Variants in EDIL3 observed in about 807,000 individuals in gnomAD.
EDIL3 encodes the protein EGF-like repeat and discoidin I-like domain-containing protein 3.
A neutral mutation model predicts 67.4 loss-of-function variants in EDIL3; 37 were observed. That is an observed-to-expected ratio of 0.55 (90% CI 0.42 to 0.72). EDIL3 has a LOEUF of 0.72. Among genes scored for constraint, EDIL3 ranks in the 30% least tolerant of loss-of-function variants. The pLI is 0.00. For synonymous variants in EDIL3, 195 were observed against 196.3 expected, an observed-to-expected ratio of 0.99 and a Z score of 0.05; for missense variants, 527 against 586.3, an observed-to-expected ratio of 0.90 and a Z score of 1.04.
chr5:84,381,852 A>C (rs563833456), intron 1 of EDIL3, among the ~76,000 whole-genome samples: 1 of 152,380 alleles, frequency 6.6e-6, no homozygotes, highest in South Asian at 2.1e-4. Context: ...TTTTAAAATA[A>C]AGACGACTAA....
At chr5:84,052,504 A>C (rs1650833919) in intron 9 of EDIL3, among the ~76,000 whole-genome samples, 2 of 152,142 alleles carry the variant, frequency 1.3e-5, no homozygotes, top group Admixed American at 1.3e-4. Context: ...ATTAAAAGAC[A>C]CAGACTGGCA....
At chr5:84,367,465 C>T (rs917016205) in intron 1 of EDIL3, among the ~76,000 whole-genome samples, 3 of 152,088 alleles carry the variant, frequency 2.0e-5, no homozygotes, top group African/African-American at 7.2e-5. Flanking sequence ...AGCAATGAGA[C>T]TGAATCTCAG....
At chr5:83,973,786 C>T (rs1744830254) in intron 9 of EDIL3, among the ~76,000 whole-genome samples, 1 of 151,844 alleles carries the variant, frequency 6.6e-6, no homozygotes, top group African/African-American at 2.4e-5. Flanking sequence ...TGGCAAATAC[C>T]ATAAGAACTG....
chr5:84,109,715 A>G (rs1463196720), intron 5 of EDIL3, among the ~76,000 whole-genome samples: 1 of 152,064 alleles, frequency 6.6e-6, no homozygotes, highest in African/African-American at 2.4e-5. Context: ...AATACCCCCC[A>G]AAAACCAATT....
intron 9 of EDIL3, among the ~76,000 whole-genome samples, chr5:84,010,207 T>A (rs1336601447): frequency 1.3e-5 from 2 of 152,234 alleles, no homozygotes; most frequent in South Asian, 4.1e-4. Context: ...CGTTTCTTCA[T>A]CTTTCTTATT....
chr5:84,118,394 G>A (rs1185107631), intron 5 of EDIL3, among the ~76,000 whole-genome samples: 2 of 152,058 alleles, frequency 1.3e-5, no homozygotes, highest in African/African-American at 4.8e-5. Flanking sequence ...ATTTATAGGT[G>A]CACAACTTCA....
At chr5:84,270,006 A>G (rs1373254449) in intron 1 of EDIL3, among the ~76,000 whole-genome samples, 2 of 152,180 alleles carry the variant, frequency 1.3e-5, no homozygotes, top group African/African-American at 4.8e-5. Context: ...ATCTCTCTCT[A>G]AAGTTGGAGT....
Position 84,253,128 on chromosome 5 carries a change from T to A in EDIL3, c.196+956A>T, listed in dbSNP as rs143422786. On this transcript the variant is annotated intron_variant, in intron 2 of 10. Coordinates refer to ENST00000296591, the MANE Select transcript of EDIL3 (RefSeq NM_005711.5). ...TTTTACTATGCATAAGGTAATTAAG[T>A]TAGGTGCACTGGGTACAATGATGGG... Among the ~76,000 whole-genome samples the A allele has an allele frequency of 4.8e-3, 724 of 152,254 alleles. 3 individuals carry two copies. Among genetic ancestry groups the A allele is most frequent in the African/African-American group, 0.016 (653 of 41,544 alleles).
intron 10 of EDIL3, among the ~76,000 whole-genome samples, chr5:83,958,578 C>T (rs1226585152): frequency 6.6e-6 from 1 of 151,314 alleles, no homozygotes. Context: ...CTTCTTTATT[C>T]CTGAAAAAAG....
intron 9 of EDIL3, among the ~76,000 whole-genome samples, chr5:83,978,452 C>A (rs1388766806): frequency 6.6e-6 from 1 of 151,804 alleles, no homozygotes; most frequent in African/African-American, 2.4e-5. Flanking sequence ...CATTTAAAAA[C>A]AAAATTCCTT....
At chr5:84,267,874 T>C (rs920650548) in intron 1 of EDIL3, among the ~76,000 whole-genome samples, 4 of 152,212 alleles carry the variant, frequency 2.6e-5, no homozygotes, top group Admixed American at 1.3e-4. Context: ...CTGTGGCTCA[T>C]GCCTGTAATC....
chr5:84,133,748 C>T (rs1024902617), intron 5 of EDIL3, among the ~76,000 whole-genome samples: 3 of 151,834 alleles, frequency 2.0e-5, no homozygotes, highest in South Asian at 2.1e-4. Context: ...ACATATTAAA[C>T]GTAATTTTAT....
intron 2 of EDIL3, among the ~76,000 whole-genome samples, chr5:84,246,883 T>G (rs1744919262): frequency 6.6e-6 from 1 of 152,198 alleles, no homozygotes; most frequent in Non-Finnish European, 1.5e-5. Context: ...TACAGAATTT[T>G]TACACATATA....
At chr5:84,372,153 T>C (rs1368354193) in intron 1 of EDIL3, among the ~76,000 whole-genome samples, 1 of 152,152 alleles carries the variant, frequency 6.6e-6, no homozygotes, top group African/African-American at 2.4e-5. Flanking sequence ...GGCAAGCCTG[T>C]TGAATAAATA....
chr5:84,229,780 A>T, intron 3 of EDIL3, 75 bp downstream of exon 3: 1 of 1,438,834 alleles, frequency 7.0e-7, no homozygotes, highest in Non-Finnish European at 9.5e-7. Context: ...AAAAAATATT[A>T]CTCAAAAGGT....
At position 83,988,455 on chromosome 5, in the gene EDIL3, T is replaced by C. The variant is rs2112156598; in HGVS notation, c.1138-25095A>G. On this transcript the variant is annotated intron_variant, in intron 9 of 10. Transcript: ENST00000296591. ...AGTCCTCCTTTCATGCTTTTCTCTA[T>C]ATTTGGTGTTTGTCCCATTTTGCAC... Among the ~76,000 whole-genome samples the C allele has an allele frequency of 1.3e-5, 2 of 152,298 alleles. 1 individual carries two copies. The highest frequency in any genetic ancestry group is 4.1e-4 in the South Asian group (2 of 4,828).
intron 9 of EDIL3, among the ~76,000 whole-genome samples, chr5:84,009,069 C>A (rs1003962528): frequency 1.3e-5 from 2 of 152,194 alleles, no homozygotes; most frequent in African/African-American, 4.8e-5. Flanking sequence ...GCCTCAGCCT[C>A]CCAAAGTGCT....
chr5:84,158,125 T>A (rs1196623220), intron 4 of EDIL3, among the ~76,000 whole-genome samples: 1 of 152,086 alleles, frequency 6.6e-6, no homozygotes, highest in Non-Finnish European at 1.5e-5. Context: ...ATGTGCCAAA[T>A]GACTGAAAGT....
At chr5:84,322,373 G>A (rs1247710370) in intron 1 of EDIL3, among the ~76,000 whole-genome samples, 2 of 151,806 alleles carry the variant, frequency 1.3e-5, no homozygotes, top group African/African-American at 4.8e-5. Flanking sequence ...CAAGGAGATG[G>A]GAAATCTAAA....
Sources: gnomAD v4.1 joint callset for allele counts (sites outside exome capture counted in the v4.1 genomes callset) on GRCh38, gnomAD v4.1.1 for gene constraint, MANE v1.5 for transcripts, NCBI Gene and HGNC (gene_info 2026-07-23, HGNC 2026-07-21) for gene names.